SLC10A1: variants seen among roughly 807,000 people sequenced by gnomAD.
The protein encoded by SLC10A1 is solute carrier family 10 member 1, also known as hepatic sodium/bile acid cotransporter.
SLC10A1 carries 36 observed loss-of-function variants against 20.5 expected under a neutral mutation model. The observed-to-expected ratio is 1.75, with a 90% CI of 1.34 to 2.32. SLC10A1 has a LOEUF of 2.32. SLC10A1 is among the 30% of genes most tolerant of loss of function. The pLI is 0.00. For synonymous variants in SLC10A1, 188 were observed against 163.6 expected (o/e 1.15, Z -1.14); for missense variants, 545 against 439.1 (o/e 1.24, Z -2.16).
intron 1 of SLC10A1, among the ~76,000 whole-genome samples, chr14:69,792,585 C>G (rs916418355): frequency 6.6e-6 from 1 of 152,182 alleles, no homozygotes; most frequent in Non-Finnish European, 1.5e-5. Context: ...TCTTCAGACA[C>G]TGCTAGGGAA....
At chr14:69,794,856 G>C (rs1882355138) in intron 1 of SLC10A1, among the ~76,000 whole-genome samples, 1 of 152,200 alleles carries the variant, frequency 6.6e-6, no homozygotes, top group Non-Finnish European at 1.5e-5. Flanking sequence ...TCATGTTCTT[G>C]AGTCACCAGA....
At position 69,775,902 on chromosome 14, in the gene SLC10A1, A is replaced by G. The variant is rs534981908; in HGVS notation, c.*380T>C. 1 of 162,134 alleles carries G rather than the reference A, an allele frequency of 6.2e-6. No homozygotes were observed. Among genetic ancestry groups the G allele is most frequent in the East Asian group, 1.8e-4 (1 of 5,684 alleles). 10.0% of individuals were successfully genotyped at this position (162,134 alleles called of 1,614,324 possible). ...ATTTATTTCTCTTTTGGGTCACAAA[A>G]CTTGGAATGGGATTTGGGTATTTGA... On this transcript the variant is annotated 3_prime_UTR_variant, in exon 5 of 5. Coordinates refer to ENST00000216540, the MANE Select transcript of SLC10A1 (RefSeq NM_003049.4).
At chr14:69,779,097 G>C in intron 3 of SLC10A1, 85 bp downstream of exon 3, 2 of 1,008,248 alleles carry the variant, frequency 2.0e-6, no homozygotes. Context: ...GGAGGTTGAG[G>C]CTGCAGTGAG....
chr14:69,796,024 A>T (rs1419696297), intron 1 of SLC10A1, among the ~76,000 whole-genome samples: 1 of 152,172 alleles, frequency 6.6e-6, no homozygotes, highest in Non-Finnish European at 1.5e-5. Context: ...CCTCTGGCAG[A>T]TGTTCAAGAC....
At chr14:69,793,343 C>A (rs115690109) in intron 1 of SLC10A1, among the ~76,000 whole-genome samples, 1 of 152,098 alleles carries the variant, frequency 6.6e-6, no homozygotes, top group Admixed American at 6.5e-5. Context: ...GGGACAGGGA[C>A]GGGCAAGGAC....
intron 1 of SLC10A1, among the ~76,000 whole-genome samples, chr14:69,793,912 TGAG>T (rs1189011466): frequency 6.6e-6 from 1 of 152,196 alleles, no homozygotes; most frequent in African/African-American, 2.4e-5. Flanking sequence ...TGGCCTTCCT[TGAG>T]GAGGGAGCTG....
chr14:69,796,739 A>T (rs376186066), intron 1 of SLC10A1, 61 bp downstream of exon 1: 2 of 1,371,010 alleles, frequency 1.5e-6, no homozygotes, highest in African/African-American at 1.4e-5. Flanking sequence ...CTTCCCCTCA[A>T]TTGTGACATA....
intron 2 of SLC10A1, among the ~76,000 whole-genome samples, chr14:69,780,921 A>C (rs1883576687): frequency 6.6e-6 from 1 of 152,238 alleles, no homozygotes; most frequent in Non-Finnish European, 1.5e-5. Flanking sequence ...ACATTGAGTT[A>C]CAGGAATTGT....
chr14:69,780,199 TCTA>T (rs1047124997), intron 2 of SLC10A1, among the ~76,000 whole-genome samples: 3 of 152,242 alleles, frequency 2.0e-5, no homozygotes, highest in African/African-American at 7.2e-5. Flanking sequence ...ACTATGCAGG[TCTA>T]CTCTGAATGA....
At chr14:69,780,048 G>A (rs531181924) in intron 2 of SLC10A1, among the ~76,000 whole-genome samples, 5 of 148,316 alleles carry the variant, frequency 3.4e-5, no homozygotes, top group South Asian at 2.1e-4. Flanking sequence ...GATCAAGCCC[G>A]GAAATACGGT....
chr14:69,788,393 A>T (rs569473350), intron 1 of SLC10A1, among the ~76,000 whole-genome samples: 36 of 152,340 alleles, frequency 2.4e-4, no homozygotes, highest in African/African-American at 8.4e-4. Flanking sequence ...ACGAACAGCC[A>T]AAGAAAAAGG....
At chr14:69,789,913 G>A (rs895679953) in intron 1 of SLC10A1, among the ~76,000 whole-genome samples, 2 of 121,256 alleles carry the variant, frequency 1.6e-5, no homozygotes, top group East Asian at 4.1e-4. Flanking sequence ...CCAAAAATAG[G>A]GTTTTTTTTT....
At chr14:69,790,242 G>A (rs1267706972) in intron 1 of SLC10A1, among the ~76,000 whole-genome samples, 3 of 151,988 alleles carry the variant, frequency 2.0e-5, no homozygotes, top group East Asian at 3.9e-4. Context: ...ACTGTCTTAC[G>A]GTAGTGTTCT....
intron 1 of SLC10A1, among the ~76,000 whole-genome samples, chr14:69,787,968 G>A (rs1373778497): frequency 6.6e-6 from 1 of 152,150 alleles, no homozygotes; most frequent in Non-Finnish European, 1.5e-5. Context: ...GCTGAGGCAG[G>A]AGGATGGCTT....
chr14:69,781,996 G>A (rs1594761582), intron 2 of SLC10A1, among the ~76,000 whole-genome samples: 1 of 152,162 alleles, frequency 6.6e-6, no homozygotes, highest in South Asian at 2.1e-4. Context: ...TCATTTGTTC[G>A]TTTTCCAGTT....
rs754040119 is a variant in SLC10A1, at chr14:69,786,217, G to A, written c.447C>T (p.Asp149=). 2 of 1,613,896 alleles carry A rather than the reference G, an allele frequency of 1.2e-6. No individual in the cohort carries two copies. Among genetic ancestry groups the A allele is most frequent in the South Asian group, 2.2e-5 (2 of 91,062 alleles). Residue 149 remains aspartate (D), a synonymous_variant, in exon 2 of 5, where the codon GAC becomes GAT. Coordinates refer to ENST00000216540, the MANE Select transcript of SLC10A1 (RefSeq NM_003049.4). ...YIYSRGIYDG[D]LKDKVPYKGI... Reference sequence around the variant, plus strand: ...CTTTATAGGGCACCTTGTCCTTCAGGTCCCCATCATAGATCCCCCTGGAGT... The same window carrying A: ...CTTTATAGGGCACCTTGTCCTTCAGATCCCCATCATAGATCCCCCTGGAGT...
Position 69,779,264 on chromosome 14 carries a change from A to G in SLC10A1, c.664T>C (p.Leu222=). The G allele has an allele frequency of 6.2e-7, 1 of 1,613,980 alleles. No homozygotes were observed. The highest frequency in any genetic ancestry group is 8.5e-7 in the Non-Finnish European group (1 of 1,179,944). The part of the protein sequence containing the change: ...KSIMFAMTPL[L]IATSSLMPFI... ...GGCATCAGGGAGGAGGTGGCAATCA[A>G]GAGTGGTGTCATGGCAAACATGATG... Residue 222 remains leucine (L), a synonymous_variant, in exon 3 of 5, where the codon TTG becomes CTG. Transcript: ENST00000216540.
In SLC10A1 at chr14:69,775,632, T is replaced by C. The variant is rs1169702782; in HGVS notation, c.*650A>G. 2 of 152,258 alleles carry C rather than the reference T, an allele frequency of 1.3e-5. No homozygotes were observed. Among genetic ancestry groups the C allele is most frequent in the African/African-American group, 2.4e-5 (1 of 41,470 alleles). 9.4% of individuals were successfully genotyped at this position (152,258 alleles called of 1,614,324 possible). The stretch of plus-strand genomic sequence containing the variant: ...TGTGTTAATGTATGTGTTTGTTTCC[T>C]GGTTTTTCCTTGTCAAAAGTTTTCC... On this transcript the variant is annotated 3_prime_UTR_variant, in exon 5 of 5. Transcript: ENST00000216540.
chr14:69,796,713 T>C (rs534279510), intron 1 of SLC10A1, 87 bp downstream of exon 1: 58 of 1,158,630 alleles, frequency 5.0e-5, no homozygotes, highest in Non-Finnish European at 7.1e-5. Flanking sequence ...CTCCTTTTCC[T>C]GGCTTTAGCC....
Sources: gnomAD v4.1 joint callset for allele counts (sites outside exome capture counted in the v4.1 genomes callset) on GRCh38, gnomAD v4.1.1 for gene constraint, MANE v1.5 for transcripts, NCBI Gene and HGNC (gene_info 2026-07-23, HGNC 2026-07-21) for gene names.